Variants in RIMS2 observed in about 807,000 individuals in gnomAD.
RIMS2 encodes regulating synaptic membrane exocytosis 2, also known as regulating synaptic membrane exocytosis protein 2.
RIMS2 carries 59 observed loss-of-function variants against 174.4 expected under a neutral mutation model. The ratio of observed to expected loss-of-function variants is 0.34; its 90% CI spans 0.27 to 0.42. The LOEUF (loss-of-function observed/expected upper bound fraction) is 0.42, where lower values mean the gene tolerates loss of function less well. RIMS2 is among the 10% of genes least tolerant of loss of function. RIMS2 has a pLI of 1.00. For missense variants in RIMS2, 1,620 were observed against 1,666.3 expected (o/e 0.97, Z 0.48); for synonymous variants, 606 against 572.5 (o/e 1.06, Z -0.84).
chr8:104,195,930 T>G (rs536819848), intron 19 of RIMS2, among the ~76,000 whole-genome samples: 2 of 152,148 alleles, frequency 1.3e-5, no homozygotes, highest in Non-Finnish European at 2.9e-5. Flanking sequence ...TTAAAAGACT[T>G]TTAAGGCAAA....
intron 3 of RIMS2, among the ~76,000 whole-genome samples, chr8:103,855,812 G>C (rs1593898358): frequency 6.6e-6 from 1 of 152,210 alleles, no homozygotes; most frequent in East Asian, 1.9e-4. Context: ...ATGTGCAGAT[G>C]GGAACAGCGT....
At chr8:104,223,491 T>G in intron 19 of RIMS2, 1 of 1,379,488 alleles carries the variant, frequency 7.2e-7, no homozygotes, top group Non-Finnish European at 9.3e-7. Flanking sequence ...AAGCCACGTC[T>G]CCTCCGGGCT....
intron 3 of RIMS2, among the ~76,000 whole-genome samples, chr8:103,773,237 A>C (rs1223334128): frequency 4.6e-5 from 7 of 152,236 alleles, no homozygotes; most frequent in Non-Finnish European, 8.8e-5. Context: ...TTGTATTTCA[A>C]GAAATTTCAA....
At chr8:103,846,138 A>G (rs866809735) in intron 3 of RIMS2, among the ~76,000 whole-genome samples, 5 of 152,146 alleles carry the variant, frequency 3.3e-5, no homozygotes, top group Admixed American at 6.6e-5. Flanking sequence ...CCTGATGACT[A>G]TAAGTCAGAA....
chr8:103,984,673 A>G lies in RIMS2; in HGVS notation c.2928-4632A>G, dbSNP rs1467449203. 2.6e-5 allele frequency among the ~76,000 whole-genome samples: 4 copies of G among 152,232 alleles called. No homozygotes were observed. The South Asian group carries it at 6.2e-4, about 24-fold the overall frequency. On this transcript the variant is annotated intron_variant, in intron 16 of 23. Transcript: ENST00000504942. ...TCAAAAAACTAAAAATAGAGCTACC[A>G]TATGATCCACTATCCCACTGGTGGG... is the stretch of plus-strand genomic sequence containing the variant.
chr8:103,689,873 G>A (rs775122622), intron 1 of RIMS2, among the ~76,000 whole-genome samples: 9 of 151,644 alleles, frequency 5.9e-5, no homozygotes, highest in Non-Finnish European at 1.0e-4. Context: ...TATAGGTGAA[G>A]TGTGTTACTT....
At chr8:103,559,686 A>T (rs537488243) in intron 1 of RIMS2, among the ~76,000 whole-genome samples, 3 of 152,338 alleles carry the variant, frequency 2.0e-5, no homozygotes, top group Non-Finnish European at 2.9e-5. Context: ...TAGATACTTA[A>T]TGAAATTATA....
intron 19 of RIMS2, among the ~76,000 whole-genome samples, chr8:104,209,304 A>G (rs965287990): frequency 1.3e-5 from 2 of 152,244 alleles, no homozygotes; most frequent in Non-Finnish European, 2.9e-5. Context: ...TGAGCTAATA[A>G]TGGAAATAGA....
intron 19 of RIMS2, among the ~76,000 whole-genome samples, chr8:104,233,143 T>C (rs920615577): frequency 5.9e-5 from 9 of 152,200 alleles, no homozygotes; most frequent in Admixed American, 2.0e-4. Flanking sequence ...ATTTTAACTT[T>C]TTCTGCAGAT....
Position 103,612,358 on chromosome 8 carries a change from G to T in RIMS2, c.177-84728G>T, listed in dbSNP as rs2134243416. Among the ~76,000 whole-genome samples, 4 of 152,180 alleles carry T rather than the reference G, an allele frequency of 2.6e-5. No homozygotes were observed. In the Middle Eastern group the frequency reaches 0.01, roughly 391 times the overall value. On this transcript the variant is annotated intron_variant, in intron 1 of 23. Transcript: ENST00000504942. Reference sequence around the variant, plus strand: ...TTTTGATGCTTGTAGATGTTTGTTGGTCTCTGGGCATTGAAGAGTTAGGTA... The same window carrying T: ...TTTTGATGCTTGTAGATGTTTGTTGTTCTCTGGGCATTGAAGAGTTAGGTA...
chr8:103,646,148 A>C (rs7000058), intron 1 of RIMS2, among the ~76,000 whole-genome samples: 152,043 of 152,052 alleles, frequency 1, 76,017 homozygotes, highest in Middle Eastern at 1. Flanking sequence ...CAGGAACAGG[A>C]CATTTTCACT....
rs116563791 is a variant in RIMS2 at position 103,710,696 on chromosome 8, A to T, written c.387+13400A>T. ...CTGCTTAATCACTAATTTAGAAAAA[A>T]ATAAATAATGTACATTTCCACAGTT... On this transcript the variant is annotated intron_variant, in intron 2 of 23. Transcript: ENST00000504942. Among the ~76,000 whole-genome samples the T allele has an allele frequency of 6.2e-3, 943 of 152,302 alleles. 14 individuals carry two copies. The highest frequency in any genetic ancestry group is 0.021 in the African/African-American group (893 of 41,566).
chr8:103,922,211 C>T (rs1419229214), intron 10 of RIMS2, among the ~76,000 whole-genome samples: 3 of 151,758 alleles, frequency 2.0e-5, no homozygotes, highest in African/African-American at 7.3e-5. Flanking sequence ...GGTGTCAGCT[C>T]ATAGTAATCA....
intron 19 of RIMS2, among the ~76,000 whole-genome samples, chr8:104,176,995 C>A (rs143859710): frequency 2.5e-3 from 373 of 152,072 alleles, no homozygotes; most frequent in African/African-American, 8.2e-3. Context: ...GGAAGGTCAG[C>A]AGACACGTGT....
chr8:103,563,453 T>C (rs1171477809), intron 1 of RIMS2, among the ~76,000 whole-genome samples: 2 of 152,214 alleles, frequency 1.3e-5, no homozygotes, highest in Admixed American at 6.5e-5. Context: ...TTTGCTCCAA[T>C]TCCCAACAAA....
At chr8:104,036,218 T>C (rs555369692) in intron 19 of RIMS2, among the ~76,000 whole-genome samples, 2 of 152,080 alleles carry the variant, frequency 1.3e-5, no homozygotes, top group Admixed American at 1.3e-4. Context: ...TGGTGCATTC[T>C]CGGCTCACTG....
At chr8:104,200,328 A>T (rs962169032) in intron 19 of RIMS2, among the ~76,000 whole-genome samples, 2 of 152,340 alleles carry the variant, frequency 1.3e-5, no homozygotes, top group Middle Eastern at 3.4e-3. Context: ...ATTTTGTCCT[A>T]TCAGTTCACT....
At chr8:103,767,887 T>A (rs1457729687) in intron 3 of RIMS2, among the ~76,000 whole-genome samples, 2 of 152,216 alleles carry the variant, frequency 1.3e-5, no homozygotes, top group Non-Finnish European at 2.9e-5. Context: ...AGAGTTATCC[T>A]ATATAGAGGA....
In RIMS2 at chr8:104,161,795, G is replaced by T. The variant is rs557632005; in HGVS notation, c.3335-83121G>T. Among the ~76,000 whole-genome samples, 4 of 152,310 alleles carry T rather than the reference G, an allele frequency of 2.6e-5. No individual in the cohort carries two copies. The South Asian group carries it at 8.3e-4, about 32-fold the overall frequency. ...CTCGGATTTTATCTTAAGACTCAAG[G>T]CAAGACTCCATTTCCAAGGTCATTC... is the stretch of plus-strand genomic sequence containing the variant. On this transcript the variant is annotated intron_variant, in intron 19 of 23. Transcript: ENST00000504942.
Sources: gnomAD v4.1 joint callset for allele counts (sites outside exome capture counted in the v4.1 genomes callset) on GRCh38, gnomAD v4.1.1 for gene constraint, MANE v1.5 for transcripts, NCBI Gene and HGNC (gene_info 2026-07-23, HGNC 2026-07-21) for gene names.